NETO2: variants seen among roughly 807,000 people sequenced by gnomAD.
NETO2 encodes neuropilin and tolloid like 2, also known as neuropilin and tolloid-like protein 2.
NETO2 carries 28 observed loss-of-function variants against 62.5 expected under a neutral mutation model. That is an observed-to-expected ratio of 0.45 (90% CI 0.33 to 0.61). NETO2 has a LOEUF of 0.61. Among genes scored for constraint, NETO2 ranks in the 20% least tolerant of loss-of-function variants. The pLI, the probability that NETO2 is intolerant of heterozygous loss-of-function variation, is 0.02. For synonymous variants in NETO2, 214 were observed against 219.1 expected (o/e 0.98, Z 0.21); for missense variants, 548 against 643.2 (o/e 0.85, Z 1.60).
chr16:47,143,860 C>T lies in NETO2; in HGVS notation c.-248G>A, dbSNP rs1964519692. 9.4e-6 allele frequency: 3 copies of T among 317,850 alleles called. No individual in the cohort carries two copies. Among genetic ancestry groups the T allele is most frequent in the Non-Finnish European group, 1.6e-5 (3 of 189,164 alleles). The allele number at this position is 317,850 out of a possible 1,614,324, so 19.7% of individuals were successfully genotyped here. A position where few individuals can be genotyped will look rare whatever the true frequency, so the allele number is the denominator to read the frequency against. The stretch of plus-strand genomic sequence containing the variant: ...GCTCCGCGGCGCCCCGTCCCATCGA[C>T]CGCCCGAGGGCCGAGGAGTGCGGAC... On this transcript the variant is annotated 5_prime_UTR_variant, in exon 1 of 9. Transcript: ENST00000562435.
chr16:47,134,755 C>T (rs1964335009), intron 1 of NETO2, among the ~76,000 whole-genome samples: 1 of 152,158 alleles, frequency 6.6e-6, no homozygotes, highest in Non-Finnish European at 1.5e-5. Flanking sequence ...GCAACTATGG[C>T]AAAGGGATGA....
chr16:47,141,882 G>C (rs115861520), intron 1 of NETO2, among the ~76,000 whole-genome samples: 7 of 152,202 alleles, frequency 4.6e-5, no homozygotes, highest in Admixed American at 4.6e-4. Flanking sequence ...TGCACCCACG[G>C]GAAAGGCAAA....
intron 6 of NETO2, among the ~76,000 whole-genome samples, chr16:47,115,956 G>A (rs1963912557): frequency 1.3e-5 from 2 of 151,338 alleles, no homozygotes; most frequent in Admixed American, 6.6e-5. Context: ...AGATGCTATG[G>A]AAATTTTTAT....
chr16:47,096,784 C>T (rs1963435641), intron 7 of NETO2, among the ~76,000 whole-genome samples: 1 of 152,190 alleles, frequency 6.6e-6, no homozygotes, highest in Non-Finnish European at 1.5e-5. Context: ...CTGCAGCTCC[C>T]CATGAGATCA....
Position 47,081,519 on chromosome 16 carries a change from C to T in NETO2, c.*1702G>A, listed in dbSNP as rs1963060491. 1 of 152,340 alleles carries T rather than the reference C, an allele frequency of 6.6e-6. No homozygotes were observed. The highest frequency in any genetic ancestry group is 1.5e-5 in the Non-Finnish European group (1 of 67,930). The allele number at this position is 152,340 out of a possible 1,614,324, so 9.4% of individuals were successfully genotyped here. A position where few individuals can be genotyped will look rare whatever the true frequency, so the allele number is the denominator to read the frequency against. On this transcript the variant is annotated 3_prime_UTR_variant, in exon 9 of 9. Coordinates refer to ENST00000562435, the MANE Select transcript of NETO2 (RefSeq NM_018092.5). ...TTTTTAAAAAACAAAAATTTTGATACAAGAAAGCACTCTGAGGCAGTATAT... is the reference window on the plus strand; with the variant it reads ...TTTTTAAAAAACAAAAATTTTGATATAAGAAAGCACTCTGAGGCAGTATAT...
At chr16:47,138,731 A>G (rs1220058258) in intron 1 of NETO2, among the ~76,000 whole-genome samples, 3 of 152,238 alleles carry the variant, frequency 2.0e-5, no homozygotes, top group Admixed American at 6.5e-5. Flanking sequence ...AGATCACATC[A>G]CAGCCTTGCT....
chr16:47,113,401 T>C (rs1217114744), intron 6 of NETO2, among the ~76,000 whole-genome samples: 1 of 152,154 alleles, frequency 6.6e-6, no homozygotes. Flanking sequence ...TAAGCAATGA[T>C]CTGTTCTTTG....
intron 7 of NETO2, among the ~76,000 whole-genome samples, chr16:47,103,013 C>A (rs993967222): frequency 2.0e-5 from 3 of 152,140 alleles, no homozygotes; most frequent in Non-Finnish European, 4.4e-5. Flanking sequence ...TAGCACTATT[C>A]ATAATAGCAA....
chr16:47,125,833 C>T (rs1041695966), intron 4 of NETO2, among the ~76,000 whole-genome samples: 2 of 152,186 alleles, frequency 1.3e-5, no homozygotes, highest in Non-Finnish European at 2.9e-5. Flanking sequence ...TGGAATGACA[C>T]GTGTGCACCA....
At chr16:47,103,912 A>C (rs1010576538) in intron 7 of NETO2, among the ~76,000 whole-genome samples, 1 of 152,222 alleles carries the variant, frequency 6.6e-6, no homozygotes, top group Admixed American at 6.5e-5. Context: ...TGAAAAACCC[A>C]AAGCTAACAT....
intron 2 of NETO2, among the ~76,000 whole-genome samples, chr16:47,131,474 T>C (rs768824613): frequency 1.3e-4 from 20 of 152,300 alleles, no homozygotes; most frequent in Non-Finnish European, 2.2e-4. Context: ...ATCATGTGTA[T>C]GTATTACTTA....
chr16:47,098,020 G>A (rs1394577274), intron 7 of NETO2, among the ~76,000 whole-genome samples: 1 of 152,016 alleles, frequency 6.6e-6, no homozygotes. Context: ...CACATCCAAA[G>A]GTCACCAACA....
rs1335205220 is a variant in NETO2 at position 47,083,391 on chromosome 16, G to A, written c.1408C>T (p.Pro470Ser). ...AAGGTGCTATTAAATGTTTTCATTGGCTGTGGTTGTGCAAAGTCATTTCGG... is the reference window on the plus strand; with the variant it reads ...AAGGTGCTATTAAATGTTTTCATTGACTGTGGTTGTGCAAAGTCATTTCGG... ...PFRNDFAQPQ[P>S]MKTFNSTFKK... The change falls in exon 9 of 9, where the codon CCA (proline) becomes TCA (serine). Residue 470 changes from proline to serine, a missense_variant. Coordinates refer to ENST00000562435, the MANE Select transcript of NETO2 (RefSeq NM_018092.5). The A allele has an allele frequency of 6.2e-7, 1 of 1,614,162 alleles. No individual in the cohort carries two copies. Among genetic ancestry groups the A allele is most frequent in the Non-Finnish European group, 8.5e-7 (1 of 1,180,034 alleles).
rs904254691 is a variant in NETO2 at position 47,083,101 on chromosome 16, G to A, written c.*120C>T. On this transcript the variant is annotated 3_prime_UTR_variant, in exon 9 of 9. Coordinates refer to ENST00000562435, the MANE Select transcript of NETO2 (RefSeq NM_018092.5). ...AAACATCACCATACAATAGGTTAAC[G>A]GTAAATCAAGGTCTTCGTAGTTGTG... 2.1e-5 allele frequency: 18 copies of A among 841,940 alleles called. No individual in the cohort carries two copies. Among genetic ancestry groups the A allele is most frequent in the Admixed American group, 2.7e-5 (1 of 37,374 alleles). The allele number at this position is 841,940 out of a possible 1,614,324, so 52.2% of individuals were successfully genotyped here. A position where few individuals can be genotyped will look rare whatever the true frequency, so the allele number is the denominator to read the frequency against.
rs1367021242 is a variant in NETO2, at chr16:47,079,225, G to A, written c.*3996C>T. 1 of 151,280 alleles carries A rather than the reference G, an allele frequency of 6.6e-6. No homozygotes were observed. Among genetic ancestry groups the A allele is most frequent in the Non-Finnish European group, 1.5e-5 (1 of 67,998 alleles). The allele number at this position is 151,280 out of a possible 1,614,324, so 9.4% of individuals were successfully genotyped here. ...GAACCCGGGAGGCGGAGCTTGCAGT[G>A]AGCCGAGATCACGCCACTGCACTCT... On this transcript the variant is annotated 3_prime_UTR_variant, in exon 9 of 9. Transcript: ENST00000562435.
At position 47,083,269 on chromosome 16, in the gene NETO2, G is replaced by A. The variant is rs745759043; in HGVS notation, c.1530C>T (p.Val510=). The A allele has an allele frequency of 6.2e-7, 1 of 1,613,810 alleles. No homozygotes were observed. The highest frequency in any genetic ancestry group is 8.5e-7 in the Non-Finnish European group (1 of 1,179,842). The change falls in exon 9 of 9, where the codon GTC becomes GTT. Residue 510 remains valine, a synonymous_variant. Coordinates refer to ENST00000562435, the MANE Select transcript of NETO2 (RefSeq NM_018092.5). ...CTTGTGCAGAATCTTCTCGCCCCCT[G>A]ACATAAATTTCACAGGGAATCTCCT... ...VMEEIPCEIY[V]RGREDSAQAS...
At chr16:47,096,568 C>G (rs1963431567) in intron 7 of NETO2, among the ~76,000 whole-genome samples, 1 of 152,128 alleles carries the variant, frequency 6.6e-6, no homozygotes, top group East Asian at 1.9e-4. Context: ...TTCCTAGAAA[C>G]ACACAATCAA....
intron 1 of NETO2, among the ~76,000 whole-genome samples, chr16:47,142,350 G>A (rs765403480): frequency 6.6e-6 from 1 of 152,168 alleles, no homozygotes; most frequent in Non-Finnish European, 1.5e-5. Context: ...GTAGTTAAAC[G>A]TTTCGAATTA....
chr16:47,129,861 G>A (rs1964229980), intron 2 of NETO2, among the ~76,000 whole-genome samples: 1 of 152,184 alleles, frequency 6.6e-6, no homozygotes, highest in South Asian at 2.1e-4. Flanking sequence ...TTTTAAAAGG[G>A]TATAAACTCT....
Sources: allele counts gnomAD v4.1 joint callset (sites outside exome capture counted in the v4.1 genomes callset), GRCh38; gene constraint gnomAD v4.1.1; transcripts MANE v1.5; gene names NCBI Gene and HGNC (gene_info 2026-07-23, HGNC 2026-07-21).